The following RBFOX1 variants were observed in gnomAD, a reference collection of about 807,000 sequenced individuals.
RBFOX1 encodes RNA binding protein fox-1 homolog 1.
In RBFOX1, 8 loss-of-function variants were observed where a neutral mutation model predicts 57.7. The observed-to-expected ratio is 0.14, with a 90% CI of 0.08 to 0.25. The LOEUF is 0.25. RBFOX1 is among the 10% of genes least tolerant of loss of function. The probability of loss-of-function intolerance (pLI) is 1.00; values close to 1 mark genes in which losing one functional copy is unlikely to be tolerated. For missense variants in RBFOX1, 611 were observed against 548.5 expected (o/e 1.11, Z -1.14); for synonymous variants, 326 against 222.4 (o/e 1.47, Z -4.15).
At chr16:7,014,969 C>T (rs957737598) in intron 3 of RBFOX1, among the ~76,000 whole-genome samples, 6 of 152,058 alleles carry the variant, frequency 3.9e-5, no homozygotes, top group Non-Finnish European at 8.8e-5. Flanking sequence ...TGTGATATAC[C>T]CGCCTGGACC....
chr16:6,265,664 G>A (rs2074389804), intron 1 of RBFOX1, among the ~76,000 whole-genome samples: 1 of 152,170 alleles, frequency 6.6e-6, no homozygotes. Flanking sequence ...GGATATGTGC[G>A]TCAACCACCA....
chr16:7,103,527 C>T (rs1300853928), intron 4 of RBFOX1, among the ~76,000 whole-genome samples: 1 of 152,084 alleles, frequency 6.6e-6, no homozygotes, highest in African/African-American at 2.4e-5. Flanking sequence ...AAGAGATGAT[C>T]AGTGACAAAA....
chr16:6,403,914 A>G (rs966823710), intron 2 of RBFOX1, among the ~76,000 whole-genome samples: 1 of 152,146 alleles, frequency 6.6e-6, no homozygotes, highest in African/African-American at 2.4e-5. Flanking sequence ...GCATTATAAG[A>G]AGAGGAAGAG....
chr16:5,753,619 G>A (rs78919038), intron 3 of RBFOX1, among the ~76,000 whole-genome samples: 5 of 152,256 alleles, frequency 3.3e-5, no homozygotes, highest in African/African-American at 1.2e-4. Flanking sequence ...CCTACCAGCT[G>A]GTTGATGTCA....
At chr16:7,490,640 GA>G (rs1450083555) in intron 4 of RBFOX1, among the ~76,000 whole-genome samples, 5 of 152,222 alleles carry the variant, frequency 3.3e-5, no homozygotes, top group East Asian at 1.9e-4. Flanking sequence ...AAGGAACCAT[GA>G]GGAAGAAAAC....
At chr16:6,551,442 A>G (rs2096987478) in intron 2 of RBFOX1, among the ~76,000 whole-genome samples, 1 of 152,332 alleles carries the variant, frequency 6.6e-6, no homozygotes. Context: ...AAACTAAAGG[A>G]TCGTATAATT....
chr16:6,501,227 T>C (rs1180363817), intron 2 of RBFOX1, among the ~76,000 whole-genome samples: 1 of 150,528 alleles, frequency 6.6e-6, no homozygotes, highest in African/African-American at 2.5e-5. Flanking sequence ...GCCATGTTGG[T>C]GTGCTGCACC....
At chr16:7,360,758 C>T (rs2097305027) in intron 4 of RBFOX1, among the ~76,000 whole-genome samples, 1 of 152,180 alleles carries the variant, frequency 6.6e-6, no homozygotes, top group African/African-American at 2.4e-5. Flanking sequence ...CTCTTTTTTC[C>T]TATCTGTGTT....
chr16:6,805,775 A>C, intron 3 of RBFOX1, among the ~76,000 whole-genome samples: 1 of 152,164 alleles, frequency 6.6e-6, no homozygotes, highest in East Asian at 1.9e-4. Context: ...TCTGAAGTGT[A>C]ACACCCAAGC....
chr16:5,579,004 C>T (rs1288582300), intron 2 of RBFOX1, among the ~76,000 whole-genome samples: 6 of 152,062 alleles, frequency 3.9e-5, no homozygotes, highest in East Asian at 1.9e-4. Context: ...TGTACCATCA[C>T]GCCCGGCTAA....
chr16:7,036,141 G>A (rs2044346124), intron 3 of RBFOX1, among the ~76,000 whole-genome samples: 2 of 151,910 alleles, frequency 1.3e-5, no homozygotes, highest in South Asian at 4.1e-4. Flanking sequence ...CACCTTGGGT[G>A]CCTTCTATCC....
chr16:5,322,886 GT>G (rs2064452519), intron 1 of RBFOX1, among the ~76,000 whole-genome samples: 1 of 152,194 alleles, frequency 6.6e-6, no homozygotes, highest in African/African-American at 2.4e-5. Flanking sequence ...ATTGTTTTCA[GT>G]GGTTTCTCTT....
chr16:7,705,149 G>A (rs924972939), intron 14 of RBFOX1, among the ~76,000 whole-genome samples: 1 of 152,166 alleles, frequency 6.6e-6, no homozygotes, highest in Non-Finnish European at 1.5e-5. Context: ...AAAGTCAGGT[G>A]GAGGGTGAGC....
At chr16:6,538,592 A>G (rs1213744085) in intron 2 of RBFOX1, among the ~76,000 whole-genome samples, 1 of 152,224 alleles carries the variant, frequency 6.6e-6, no homozygotes. Context: ...AGAAGGTAAC[A>G]AATGTTGTCC....
chr16:5,729,693 G>T (rs2052291360), intron 3 of RBFOX1, among the ~76,000 whole-genome samples: 2 of 152,126 alleles, frequency 1.3e-5, no homozygotes, highest in African/African-American at 2.4e-5. Flanking sequence ...TATTTGGGTA[G>T]GGCTGTCGGA....
rs148302194 is a variant in RBFOX1, at chr16:5,750,519, T to C, written c.319-116784T>C. On this transcript the variant is annotated intron_variant, in intron 3 of 19. Coordinates refer to the RBFOX1 transcript ENST00000641259. Reference sequence around the variant, plus strand: ...TTGAGCTGTGGTGGGCTCCACACAGTTGGAGCTTCCCATCTGCTTTGTTTA... The same window carrying C: ...TTGAGCTGTGGTGGGCTCCACACAGCTGGAGCTTCCCATCTGCTTTGTTTA... Among the ~76,000 whole-genome samples, 113 of 152,288 alleles carry C rather than the reference T, an allele frequency of 7.4e-4. No individual in the cohort carries two copies. In the East Asian group the frequency reaches 0.015, roughly 20 times the overall value.
At chr16:6,903,523 G>A (rs1444227798) in intron 3 of RBFOX1, among the ~76,000 whole-genome samples, 2 of 152,204 alleles carry the variant, frequency 1.3e-5, no homozygotes, top group Admixed American at 6.5e-5. Context: ...TGTGGGGGAA[G>A]CACTTCAATA....
chr16:5,315,806 G>T (rs994975086), intron 1 of RBFOX1, among the ~76,000 whole-genome samples: 12 of 152,022 alleles, frequency 7.9e-5, no homozygotes, highest in African/African-American at 2.9e-4. Context: ...AGAACACATA[G>T]GGTGGGCATG....
intron 1 of RBFOX1, among the ~76,000 whole-genome samples, chr16:5,312,077 A>G (rs1158244674): frequency 6.6e-6 from 1 of 152,206 alleles, no homozygotes; most frequent in African/African-American, 2.4e-5. Context: ...ATGAAACCCC[A>G]TATGTATTAT....
Sources: allele counts gnomAD v4.1 joint callset (sites outside exome capture counted in the v4.1 genomes callset), GRCh38; gene constraint gnomAD v4.1.1; transcripts MANE v1.5; gene names NCBI Gene and HGNC (gene_info 2026-07-23, HGNC 2026-07-21).